RNASE9: variants seen among roughly 807,000 people sequenced by gnomAD.
RNASE9 encodes ribonuclease A family member 9 (inactive).
For synonymous variants in RNASE9, 95 were observed against 87.6 expected, an observed-to-expected ratio of 1.08 and a Z score of -0.47; for missense variants, 263 against 247.1, an observed-to-expected ratio of 1.06 and a Z score of -0.43.
At chr14:20,558,544 A>G in exon 3 of RNASE9, 2 of 1,544,274 alleles carry the variant, frequency 1.3e-6, no homozygotes, top group Non-Finnish European at 1.8e-6. Flanking sequence ...TCACACTGTC[A>G]TCAGTGTCCT....
At chr14:20,556,462 A>G in exon 3 of RNASE9, 1 of 1,608,210 alleles carries the variant, frequency 6.2e-7, no homozygotes, top group Non-Finnish European at 8.5e-7. Context: ...CTAGGGCGAT[A>G]TGACAAAGAC....
exon 3 of RNASE9, chr14:20,558,272 G>C: frequency 1.8e-6 from 1 of 560,688 alleles, no homozygotes. Flanking sequence ...TATCAGTGAT[G>C]GAGATGGACA....
intron 2 of RNASE9, among the ~76,000 whole-genome samples, chr14:20,559,142 A>G (rs368352934): frequency 1.7e-4 from 26 of 151,702 alleles, no homozygotes; most frequent in African/African-American, 5.8e-4. Flanking sequence ...TTTAAGAGTC[A>G]TGGTCTCACA....
At chr14:20,557,192 A>G (rs1228421937) in exon 3 of RNASE9, 4 of 1,069,336 alleles carry the variant, frequency 3.7e-6, no homozygotes, top group Non-Finnish European at 5.3e-6. Flanking sequence ...AAGATTTTGG[A>G]CCATTTTTAA....
exon 3 of RNASE9, chr14:20,557,551 A>G (rs1189631652): frequency 1.3e-5 from 2 of 154,216 alleles, no homozygotes; most frequent in Admixed American, 6.5e-5. Context: ...CCTTTCGAAC[A>G]TTCCACTTTG....
At chr14:20,559,671 T>G (rs750149040) in intron 1 of RNASE9, 38 bp from the exon 2 acceptor site, 1 of 152,188 alleles carries the variant, frequency 6.6e-6, no homozygotes, top group Non-Finnish European at 1.5e-5. Context: ...TTAAACAAAT[T>G]TAAAGGTGAT....
rs1304053112 is a variant in RNASE9 at position 20,558,564 on chromosome 14, C to G, written c.-1495G>C. ...CTGTCATCAGTGTCCTCCAGGAAGT[C>G]TCTTCAAAAGAGTGATCCCATGGTG... On this transcript the variant is annotated 5_prime_UTR_variant, in exon 3 of 3. Transcript: ENST00000555230. 4 of 1,550,874 alleles carry G rather than the reference C, an allele frequency of 2.6e-6. No individual in the cohort carries two copies. In the African/African-American group the frequency reaches 4.1e-5, roughly 16 times the overall value.
chr14:20,558,494 A>T (rs150762785), exon 3 of RNASE9: 10 of 1,377,212 alleles, frequency 7.3e-6, no homozygotes, highest in Non-Finnish European at 1.0e-5. Context: ...CATGTGCCAC[A>T]CTGTCCCTCC....
chr14:20,557,200 T>A (rs1883741367), exon 3 of RNASE9: 1 of 942,318 alleles, frequency 1.1e-6, no homozygotes, highest in Non-Finnish European at 1.6e-6. Context: ...GGACCATTTT[T>A]AAATTACCAA....
At chr14:20,559,154 T>G (rs1883843575) in intron 2 of RNASE9, among the ~76,000 whole-genome samples, 1 of 152,080 alleles carries the variant, frequency 6.6e-6, no homozygotes, top group Non-Finnish European at 1.5e-5. Context: ...GGTCTCACAG[T>G]GTTGCCTCGG....
At chr14:20,560,478 A>G (rs1388924940) in intron 1 of RNASE9, 1 of 152,078 alleles carries the variant, frequency 6.6e-6, no homozygotes, top group Non-Finnish European at 1.5e-5. Flanking sequence ...TCTAAGTTGC[A>G]ATAATTTATA....
chr14:20,560,249 C>A (rs1883900087), intron 1 of RNASE9: 1 of 151,794 alleles, frequency 6.6e-6, no homozygotes, highest in African/African-American at 2.4e-5. Flanking sequence ...ATCAATAAAT[C>A]ATGATCATAT....
At chr14:20,558,706 C>T in intron 2 of RNASE9, 2 of 918,006 alleles carry the variant, frequency 2.2e-6, no homozygotes, top group Non-Finnish European at 1.8e-6. Flanking sequence ...CAGCTGTGGC[C>T]CTGCCCTTTC....
At chr14:20,557,017 T>G in exon 3 of RNASE9, 1 of 1,613,822 alleles carries the variant, frequency 6.2e-7, no homozygotes, top group Non-Finnish European at 8.5e-7. Flanking sequence ...CAGCAGCTGC[T>G]GCGGCAATAG....
chr14:20,556,290 T>C, exon 3 of RNASE9: 3 of 596,216 alleles, frequency 5.0e-6, no homozygotes, highest in Non-Finnish European at 8.9e-6. Flanking sequence ...GCACCGTCTG[T>C]GAACCTAGCC....
intron 2 of RNASE9, 37 bp downstream of exon 2, chr14:20,559,545 C>T (rs899724187): frequency 6.6e-6 from 1 of 152,076 alleles, no homozygotes; most frequent in Non-Finnish European, 1.5e-5. Context: ...AAGTTTTTGC[C>T]TGGTAATCTC....
chr14:20,556,839 T>G (rs1883716703), exon 3 of RNASE9: 1 of 1,614,098 alleles, frequency 6.2e-7, no homozygotes, highest in Admixed American at 1.7e-5. Flanking sequence ...CTATATGATT[T>G]AGTGGCATTC....
chr14:20,558,587 G>A lies in RNASE9; in HGVS notation c.-1518C>T, dbSNP rs1229647946. The A allele has an allele frequency of 5.2e-6, 8 of 1,550,906 alleles. No homozygotes were observed. The African/African-American group carries it at 9.6e-5, about 19-fold the overall frequency. ...GTCTCTTCAAAAGAGTGATCCCATG[G>A]TGACAGGTCAGAGAGCTCGGAACAT... is the stretch of plus-strand genomic sequence containing the variant. On this transcript the variant is annotated 5_prime_UTR_variant, in exon 3 of 3. Transcript: ENST00000555230.
intron 2 of RNASE9, among the ~76,000 whole-genome samples, chr14:20,559,221 C>T (rs2138860820): frequency 6.6e-6 from 1 of 152,048 alleles, no homozygotes; most frequent in South Asian, 2.1e-4. Flanking sequence ...AGTAGCTGGG[C>T]CTACAGGTGC....
Sources: allele counts gnomAD v4.1 joint callset (sites outside exome capture counted in the v4.1 genomes callset), GRCh38; gene constraint gnomAD v4.1.1; transcripts MANE v1.5; gene names NCBI Gene and HGNC (gene_info 2026-07-23, HGNC 2026-07-21).